ASAP1: variants seen among roughly 807,000 people sequenced by gnomAD.
ASAP1 encodes ArfGAP with SH3 domain, ankyrin repeat and PH domain 1.
ASAP1 carries 43 observed loss-of-function variants against 145.2 expected under a neutral mutation model. The ratio of observed to expected loss-of-function variants is 0.30; its 90% CI spans 0.23 to 0.38. The LOEUF is 0.38. ASAP1 is among the 10% of genes least tolerant of loss of function. ASAP1 has a pLI of 1.00. For missense variants in ASAP1, 1,018 were observed against 1,355.3 expected (o/e 0.75, Z 3.91); for synonymous variants, 546 against 515.5 (o/e 1.06, Z -0.80).
At chr8:130,067,049 T>A (rs945416491) in intron 27 of ASAP1, among the ~76,000 whole-genome samples, 1 of 152,214 alleles carries the variant, frequency 6.6e-6, no homozygotes, top group Non-Finnish European at 1.5e-5. Context: ...GAACTCCCTC[T>A]AATCTGCATT....
At chr8:130,141,655 T>C (rs1339719852) in intron 13 of ASAP1, among the ~76,000 whole-genome samples, 2 of 152,180 alleles carry the variant, frequency 1.3e-5, no homozygotes, top group African/African-American at 2.4e-5. Flanking sequence ...GAAGTGATTG[T>C]CCTACCTTAG....
intron 28 of ASAP1, 110 bp from the exon 29 acceptor site, chr8:130,058,186 C>A: frequency 8.5e-7 from 1 of 1,181,156 alleles, no homozygotes; most frequent in South Asian, 1.4e-5. Context: ...CCTCGCTGAG[C>A]CTTGATTTCC....
rs982736171 is a variant in ASAP1 at position 130,358,496 on chromosome 8, C to G, written c.60-353G>C. Among the ~76,000 whole-genome samples the G allele has an allele frequency of 8.8e-5, 13 of 148,082 alleles. 1 individual carries two copies. Among genetic ancestry groups the G allele is most frequent in the Non-Finnish European group, 2.0e-4 (13 of 66,372 alleles). On this transcript the variant is annotated intron_variant, in intron 2 of 29. Transcript: ENST00000518721. The surrounding 1 kb of genome is among the most constrained non-coding windows in gnomAD (Gnocchi z 4.1). Reference sequence around the variant, plus strand: ...CGCGGGGTCTTCGCGGGGGTCTGGGCTCCGGCCGGCCGCTGGGGCGTGCGC... The same window carrying G: ...CGCGGGGTCTTCGCGGGGGTCTGGGGTCCGGCCGGCCGCTGGGGCGTGCGC...
In ASAP1 at chr8:130,230,065, A is replaced by AAAAC. The variant is rs3997633; in HGVS notation, c.259+6853_259+6856dup. On this transcript the variant is annotated intron_variant, in intron 4 of 29. Coordinates refer to ENST00000518721, the MANE Select transcript of ASAP1 (RefSeq NM_018482.4). ...GGCAACACAGTGAGATCCTGTCTCC[A>AAAAC]AAACAAACAAACAAACAAACAAACA... Among the ~76,000 whole-genome samples, 822 of 150,272 alleles carry AAAAC rather than the reference A, an allele frequency of 5.5e-3. 3 individuals are homozygous for AAAAC. The highest frequency in any genetic ancestry group is 0.015 in the East Asian group (76 of 5,090).
At chr8:130,236,849 C>T in intron 4 of ASAP1, 73 bp downstream of exon 4, 1 of 1,148,954 alleles carries the variant, frequency 8.7e-7, no homozygotes, top group South Asian at 1.6e-5. Flanking sequence ...AACTTAACAT[C>T]TTTTAAATAA....
rs150460873 is a variant in ASAP1, at chr8:130,264,821, C to T, written c.187-27827G>A. 7.9e-5 allele frequency among the ~76,000 whole-genome samples: 12 copies of T among 152,102 alleles called. No homozygotes were observed. The East Asian group carries it at 1.4e-3, about 17-fold the overall frequency. On this transcript the variant is annotated intron_variant, in intron 3 of 29. Transcript: ENST00000518721. ...GTCAACACACGATGATCACTATGTA[C>T]GCAAAGGGGTTCCAGAAGCCCTACT...
At chr8:130,243,859 G>A (rs1818691015) in intron 3 of ASAP1, among the ~76,000 whole-genome samples, 1 of 152,070 alleles carries the variant, frequency 6.6e-6, no homozygotes, top group South Asian at 2.1e-4. Context: ...TCTCTGAAAT[G>A]ATCTTATTGT....
intron 10 of ASAP1, among the ~76,000 whole-genome samples, chr8:130,168,219 A>G (rs988040535): frequency 3.3e-5 from 5 of 152,230 alleles, no homozygotes; most frequent in African/African-American, 7.2e-5. Context: ...CTCATAATAT[A>G]TACGCTTTTA....
At chr8:130,258,175 GCCCCAGCT>G (rs1819681630) in intron 3 of ASAP1, among the ~76,000 whole-genome samples, 1 of 152,060 alleles carries the variant, frequency 6.6e-6, no homozygotes, top group South Asian at 2.1e-4. Flanking sequence ...CTGACACCTG[GCCCCAGCT>G]CCATAATGGA....
intron 11 of ASAP1, among the ~76,000 whole-genome samples, chr8:130,165,511 A>G (rs1182310874): frequency 6.6e-6 from 1 of 152,226 alleles, no homozygotes; most frequent in Non-Finnish European, 1.5e-5. Context: ...TTCAAAGGGC[A>G]TGCATGGCAT....
At chr8:130,301,757 AAT>A (rs1822681438) in intron 3 of ASAP1, among the ~76,000 whole-genome samples, 1 of 152,224 alleles carries the variant, frequency 6.6e-6, no homozygotes, top group Non-Finnish European at 1.5e-5. Flanking sequence ...TTTTCCAGTT[AAT>A]ACAACACGAC....
chr8:130,430,315 G>C (rs1458730305), intron 1 of ASAP1, among the ~76,000 whole-genome samples: 2 of 152,174 alleles, frequency 1.3e-5, no homozygotes, highest in Non-Finnish European at 2.9e-5. Flanking sequence ...GAAAACCTGT[G>C]TGTTTGTACG....
At chr8:130,257,791 C>CT (rs1052890161) in intron 3 of ASAP1, among the ~76,000 whole-genome samples, 5 of 144,118 alleles carry the variant, frequency 3.5e-5, no homozygotes, top group South Asian at 2.3e-4. Flanking sequence ...AGAGCACCCC[C>CT]CCCCCATTAT....
chr8:130,361,795 T>C (rs1826722524), intron 2 of ASAP1: 2 of 1,471,110 alleles, frequency 1.4e-6, no homozygotes, highest in Admixed American at 3.9e-5. Context: ...GAGACTGACA[T>C]GGGCAAAACG....
intron 1 of ASAP1, among the ~76,000 whole-genome samples, chr8:130,424,837 CA>C (rs1180736590): frequency 2.6e-5 from 4 of 151,768 alleles, no homozygotes; most frequent in African/African-American, 9.7e-5. Flanking sequence ...ACTAAAAATA[CA>C]AAAAATTAGC....
intron 3 of ASAP1, among the ~76,000 whole-genome samples, chr8:130,238,276 C>A (rs1199674554): frequency 6.6e-6 from 1 of 152,150 alleles, no homozygotes; most frequent in African/African-American, 2.4e-5. Flanking sequence ...TTTCTGGTCA[C>A]ATCAGCTTAA....
chr8:130,264,173 A>G (rs1298232343), intron 3 of ASAP1, among the ~76,000 whole-genome samples: 1 of 152,236 alleles, frequency 6.6e-6, no homozygotes, highest in Non-Finnish European at 1.5e-5. Context: ...AACATCAGAG[A>G]TGGGCTTAAC....
At chr8:130,055,718 C>T (rs1460498597) in intron 29 of ASAP1, among the ~76,000 whole-genome samples, 1 of 152,134 alleles carries the variant, frequency 6.6e-6, no homozygotes, top group Non-Finnish European at 1.5e-5. Flanking sequence ...GTATTGATTG[C>T]ACTAAAGAGA....
intron 11 of ASAP1, among the ~76,000 whole-genome samples, chr8:130,162,581 G>A (rs1051505779): frequency 1.3e-5 from 2 of 152,170 alleles, no homozygotes; most frequent in African/African-American, 4.8e-5. Flanking sequence ...CACTTTGGGA[G>A]GCTGAGGCGG....
Sources: gnomAD v4.1 joint callset for allele counts (sites outside exome capture counted in the v4.1 genomes callset) on GRCh38, gnomAD v4.1.1 for gene constraint, Gnocchi (gnomAD v3.1) non-coding constraint, MANE v1.5 for transcripts, NCBI Gene and HGNC (gene_info 2026-07-23, HGNC 2026-07-21) for gene names.